Variants in CACNG8 observed in about 807,000 individuals in gnomAD.
CACNG8 encodes calcium voltage-gated channel auxiliary subunit gamma 8, also known as voltage-dependent calcium channel gamma-8 subunit.
CACNG8 carries 5 observed loss-of-function variants against 26.9 expected under a neutral mutation model. That is an observed-to-expected ratio of 0.19 (90% CI 0.10 to 0.39). The LOEUF (loss-of-function observed/expected upper bound fraction) is 0.39. CACNG8 is among the 10% of genes least tolerant of loss of function. CACNG8 has a pLI of 1.00. For synonymous variants in CACNG8, 321 were observed against 296.7 expected (o/e 1.08, Z -0.84); for missense variants, 473 against 609.4 (o/e 0.78, Z 2.36).
At chr19:53,978,307 A>G in intron 2 of CACNG8, 78 bp downstream of exon 2, 1 of 1,143,012 alleles carries the variant, frequency 8.7e-7, no homozygotes, top group Non-Finnish European at 1.3e-6. Flanking sequence ...GGTGCCGGGA[A>G]AAGGCACTGG....
rs1360050633 is a variant in CACNG8, at chr19:53,982,512, C to T, written c.941C>T (p.Ser314Phe). 15 of 1,398,772 alleles carry T rather than the reference C, an allele frequency of 1.1e-5. No individual in the cohort carries two copies. The highest frequency in any genetic ancestry group is 1.4e-5 in the Non-Finnish European group (15 of 1,082,380). 86.6% of individuals were successfully genotyped at this position (1,398,772 alleles called of 1,614,324 possible). A position where few individuals can be genotyped will look rare whatever the true frequency, so the allele number is the denominator to read the frequency against. Residue 314 changes from serine (S) to phenylalanine (F), a missense_variant, in exon 4 of 4, where the codon TCC (serine) becomes TTC (phenylalanine). Around this residue, in one of 6 missense-constraint regions of CACNG8, gnomAD observed 212 missense variants for 214.4 expected, o/e 0.99. Transcript: ENST00000270458. The surrounding 1 kb of genome is among the most constrained non-coding windows in gnomAD (Gnocchi z 8.4). ...ATGTACACGCTCAGCCGCGACCCCT[C>T]CAAGGGCAGCGTGGCCGCGGGGCTG...
At chr19:53,969,122 G>A (rs1280643949) in intron 1 of CACNG8, among the ~76,000 whole-genome samples, 1 of 152,062 alleles carries the variant, frequency 6.6e-6, no homozygotes, top group East Asian at 1.9e-4. Flanking sequence ...TCCCGCCTCA[G>A]CCTCCTGAGT....
chr19:53,971,438 T>C (rs1447904381), intron 1 of CACNG8, among the ~76,000 whole-genome samples: 1 of 152,168 alleles, frequency 6.6e-6, no homozygotes, highest in Non-Finnish European at 1.5e-5. Context: ...ATAGACACTC[T>C]CTCTCCCTTT....
chr19:53,970,226 G>A (rs755523898), intron 1 of CACNG8, among the ~76,000 whole-genome samples: 13 of 152,258 alleles, frequency 8.5e-5, no homozygotes, highest in Non-Finnish European at 1.9e-4. Flanking sequence ...TGAGGCAGGA[G>A]AATCGCTTGA....
intron 1 of CACNG8, among the ~76,000 whole-genome samples, chr19:53,970,167 T>G (rs2069294018): frequency 6.6e-6 from 1 of 151,974 alleles, no homozygotes; most frequent in African/African-American, 2.4e-5. Context: ...ATACAAAAAA[T>G]TAGCCAGGCG....
rs1315874116 is a variant in CACNG8 at position 53,989,757 on chromosome 19, T to C, written c.*6908T>C. 1 of 152,384 alleles carries C rather than the reference T, an allele frequency of 6.6e-6. No homozygotes were observed. Among genetic ancestry groups the C allele is most frequent in the Non-Finnish European group, 1.5e-5 (1 of 68,102 alleles). The allele number at this position is 152,384 out of a possible 1,614,324, so 9.4% of individuals were successfully genotyped here. A position where few individuals can be genotyped will look rare whatever the true frequency, so the allele number is the denominator to read the frequency against. On this transcript the variant is annotated 3_prime_UTR_variant, in exon 4 of 4. Transcript: ENST00000270458. The stretch of plus-strand genomic sequence containing the variant: ...TTCCTTTGCCCATTCATCCATCCAT[T>C]CATTCAAGTCACCCCATGCACATTT...
chr19:53,977,320 A>G (rs751218162), intron 1 of CACNG8, among the ~76,000 whole-genome samples: 49 of 152,358 alleles, frequency 3.2e-4, no homozygotes, highest in Non-Finnish European at 4.6e-4. Flanking sequence ...GCAGAACTGG[A>G]CAGAGCTGGG....
At chr19:53,973,109 G>C (rs1173501130) in intron 1 of CACNG8, among the ~76,000 whole-genome samples, 1 of 152,230 alleles carries the variant, frequency 6.6e-6, no homozygotes, top group Non-Finnish European at 1.5e-5. Flanking sequence ...GTCAGAACTA[G>C]TTATTATTAC....
chr19:53,977,631 T>C (rs1375174795), intron 1 of CACNG8, among the ~76,000 whole-genome samples: 1 of 152,180 alleles, frequency 6.6e-6, no homozygotes, highest in East Asian at 1.9e-4. Flanking sequence ...CATGATCCAC[T>C]GCGGCTGCTC....
rs773734452 is a variant in CACNG8 at position 53,980,085 on chromosome 19, T to TGTGTGTGTGTGC, written c.508+79_508+80insTGTGTGTGTGCG. On this transcript the variant is annotated intron_variant, in intron 3 of 3. Coordinates refer to ENST00000270458, the MANE Select transcript of CACNG8 (RefSeq NM_031895.6). ...GTGTGTGTGTGTGTGTGTGTGTGTG[T>TGTGTGTGTGTGC]GCGCGCGCGCGCGTGAGTGCAAGTG... is the stretch of plus-strand genomic sequence containing the variant. 1.1e-5 allele frequency: 11 copies of TGTGTGTGTGTGC among 1,012,296 alleles called. No individual in the cohort carries two copies. The South Asian group carries it at 1.4e-4, about 13-fold the overall frequency. 62.7% of individuals were successfully genotyped at this position (1,012,296 alleles called of 1,614,324 possible).
chr19:53,973,017 G>A (rs1293565460), intron 1 of CACNG8, among the ~76,000 whole-genome samples: 3 of 152,118 alleles, frequency 2.0e-5, no homozygotes, highest in Admixed American at 2.0e-4. Flanking sequence ...GCCTACCTCC[G>A]AGGGTTTGTC....
rs537535542 is a variant in CACNG8 at position 53,979,841 on chromosome 19, C to T, written c.368-26C>T. ...CGTCTGACCGCCCTCGCTCTCCCTCCTTTTCCTTTCCTTCCTCCCCCGCAG... is the reference window on the plus strand; with the variant it reads ...CGTCTGACCGCCCTCGCTCTCCCTCTTTTTCCTTTCCTTCCTCCCCCGCAG... On this transcript the variant is annotated intron_variant, in intron 2 of 3. Coordinates refer to ENST00000270458, the MANE Select transcript of CACNG8 (RefSeq NM_031895.6). 5.0e-5 allele frequency: 79 copies of T among 1,578,682 alleles called. No individual in the cohort carries two copies. The South Asian group carries it at 8.3e-4, about 17-fold the overall frequency.
At chr19:53,966,091 A>T (rs1033158611) in intron 1 of CACNG8, among the ~76,000 whole-genome samples, 1 of 135,454 alleles carries the variant, frequency 7.4e-6, no homozygotes, top group Non-Finnish European at 1.6e-5. Flanking sequence ...TTATTTATTT[A>T]TTTATTTATT....
At chr19:53,974,664 C>CA (rs2069320821) in intron 1 of CACNG8, among the ~76,000 whole-genome samples, 2 of 151,876 alleles carry the variant, frequency 1.3e-5, no homozygotes, top group Non-Finnish European at 2.9e-5. Context: ...ATTTTTGAGA[C>CA]AGAGTCTCGC....
rs1414214547 is a variant in CACNG8 at position 53,987,395 on chromosome 19, G to A, written c.*4546G>A. The A allele has an allele frequency of 6.6e-6, 1 of 152,432 alleles. No individual in the cohort carries two copies. The highest frequency in any genetic ancestry group is 1.9e-4 in the East Asian group (1 of 5,196). The allele number at this position is 152,432 out of a possible 1,614,324, so 9.4% of individuals were successfully genotyped here. A position where few individuals can be genotyped will look rare whatever the true frequency, so the allele number is the denominator to read the frequency against. On this transcript the variant is annotated 3_prime_UTR_variant, in exon 4 of 4. Coordinates refer to ENST00000270458, the MANE Select transcript of CACNG8 (RefSeq NM_031895.6). ...TCATATTTTTATTTAAACAAGAACA[G>A]CAGAATTACATTGCTGTGCTGAGCA...
rs923330375 is a variant in CACNG8, at chr19:53,980,017, A to T, written c.508+10A>T. 1.0e-5 allele frequency: 16 copies of T among 1,602,806 alleles called. No homozygotes were observed. Among genetic ancestry groups the T allele is most frequent in the East Asian group, 9.0e-5 (4 of 44,480 alleles). The stretch of plus-strand genomic sequence containing the variant: ...CTGTTCGTGGCAGCAGGTGAGAGGC[A>T]GAGGGAGGGGGCGACCGGGGCGGCC... On this transcript the variant is annotated intron_variant, in intron 3 of 3. Transcript: ENST00000270458.
At chr19:53,975,828 T>C (rs1206602254) in intron 1 of CACNG8, among the ~76,000 whole-genome samples, 4 of 152,174 alleles carry the variant, frequency 2.6e-5, no homozygotes, top group African/African-American at 9.7e-5. Flanking sequence ...AGCTGCGAAA[T>C]GATGACCCTT....
In CACNG8 at chr19:53,980,079, TGTGTGTGC is replaced by T. The variant is rs1489097829; in HGVS notation, c.508+74_508+81del. The T allele has an allele frequency of 8.4e-5, 119 of 1,419,454 alleles. 4 individuals carry two copies. The South Asian group carries it at 1.0e-3, about 12-fold the overall frequency. 87.9% of individuals were successfully genotyped at this position (1,419,454 alleles called of 1,614,324 possible). On this transcript the variant is annotated intron_variant, in intron 3 of 3. Coordinates refer to ENST00000270458, the MANE Select transcript of CACNG8 (RefSeq NM_031895.6). ...GCACGTGTGTGTGTGTGTGTGTGTG[TGTGTGTGC>T]GCGCGCGCGCGTGAGTGCAAGTGCG...
At chr19:53,976,765 T>C (rs1198642706) in intron 1 of CACNG8, among the ~76,000 whole-genome samples, 1 of 152,068 alleles carries the variant, frequency 6.6e-6, no homozygotes, top group Admixed American at 6.6e-5. Flanking sequence ...CTCCACCTCC[T>C]GGGTTCAAGT....
Sources: gnomAD v4.1 joint callset for allele counts (sites outside exome capture counted in the v4.1 genomes callset) on GRCh38, gnomAD v4.1.1 for gene constraint, gnomAD v4.1.1 regional missense constraint, Gnocchi (gnomAD v3.1) non-coding constraint, MANE v1.5 for transcripts, NCBI Gene and HGNC (gene_info 2026-07-23, HGNC 2026-07-21) for gene names.